Variants in RGPD2 observed in about 807,000 individuals in gnomAD.
RGPD2 encodes RANBP2 like and GRIP domain containing 2.
A neutral mutation model predicts 36.0 loss-of-function variants in RGPD2; 2 were observed. The observed-to-expected ratio is 0.06, with a 90% CI of 0.02 to 0.17. The LOEUF is 0.17. Ranked by LOEUF, RGPD2 falls within the 10% of genes least tolerant of loss-of-function variation. RGPD2 has a pLI of 1.00. For synonymous variants in RGPD2, 19 were observed against 163.8 expected (o/e 0.12, Z 6.75); for missense variants, 40 against 464.3 (o/e 0.09, Z 8.40).
At chr2:87,989,449 AC>A in the RGPD2 span, among the ~76,000 whole-genome samples, 1 of 152,220 alleles carries the variant, frequency 6.6e-6, no homozygotes, top group Non-Finnish European at 1.5e-5. Context: ...ACAAAAAATC[AC>A]ATCAATATAC....
the RGPD2 span, among the ~76,000 whole-genome samples, chr2:87,983,965 G>A: frequency 6.6e-6 from 1 of 152,144 alleles, no homozygotes; most frequent in African/African-American, 2.4e-5. Context: ...TACTCTGAGT[G>A]ACATGGGAAG....
chr2:87,847,489 T>G, the RGPD2 span, among the ~76,000 whole-genome samples: 2 of 149,394 alleles, frequency 1.3e-5, no homozygotes, highest in Admixed American at 1.3e-4. Context: ...TTTGACATAA[T>G]TGTTTTTTAA....
chr2:87,807,391 T>G (rs1211668761), intron 6 of RGPD2, among the ~76,000 whole-genome samples: 9 of 130,160 alleles, frequency 6.9e-5, no homozygotes, highest in South Asian at 2.4e-4. Flanking sequence ...TTTTTTTTTT[T>G]TTTTTTTTTT....
At chr2:87,959,302 C>G in the RGPD2 span, among the ~76,000 whole-genome samples, 38 of 23,676 alleles carry the variant, frequency 1.6e-3, no homozygotes, top group East Asian at 5.6e-3. Context: ...GTCTGTATCA[C>G]TATAATGCAA....
chr2:87,915,138 A>G, the RGPD2 span, among the ~76,000 whole-genome samples: 1 of 151,654 alleles, frequency 6.6e-6, no homozygotes, highest in Non-Finnish European at 1.5e-5. Context: ...CAAGAGCAAA[A>G]CTCCGTCTCA....
chr2:87,964,478 CTA>C, the RGPD2 span, among the ~76,000 whole-genome samples: 1 of 152,102 alleles, frequency 6.6e-6, no homozygotes, highest in Non-Finnish European at 1.5e-5. Context: ...TTCACAGATA[CTA>C]TGTTTTTGAC....
At chr2:87,915,727 CT>C in the RGPD2 span, among the ~76,000 whole-genome samples, 2 of 148,286 alleles carry the variant, frequency 1.3e-5, no homozygotes, top group Admixed American at 1.4e-4. Context: ...AATATAGTCA[CT>C]TGTTCTATCG....
the RGPD2 span, among the ~76,000 whole-genome samples, chr2:87,857,774 T>TAAAAAAAA: frequency 3.7e-4 from 46 of 123,400 alleles, no homozygotes; most frequent in African/African-American, 1.7e-3. Flanking sequence ...CCATCTCTAC[T>TAAAAAAAA]AAAAAAAAAA....
chr2:87,840,190 AC>A, the RGPD2 span, among the ~76,000 whole-genome samples: 5 of 130,776 alleles, frequency 3.8e-5, no homozygotes, highest in African/African-American at 1.5e-4. Flanking sequence ...GAAGAGGGAA[AC>A]TTCGACACCA....
intron 18 of RGPD2, among the ~76,000 whole-genome samples, chr2:87,785,746 CTGTT>C (rs1233138258): frequency 1.7e-4 from 19 of 111,004 alleles, no homozygotes; most frequent in African/African-American, 4.1e-4. Flanking sequence ...TCTGCTCCCT[CTGTT>C]TGGTCTGTTT....
chr2:87,929,131 A>G, the RGPD2 span, among the ~76,000 whole-genome samples: 3 of 151,908 alleles, frequency 2.0e-5, no homozygotes, highest in African/African-American at 7.2e-5. Flanking sequence ...GCCCATGCCT[A>G]TATCCTGAAT....
chr2:87,988,547 T>TGTTTTGTTTTG, the RGPD2 span, among the ~76,000 whole-genome samples: 6 of 33,080 alleles, frequency 1.8e-4, no homozygotes, highest in African/African-American at 3.0e-4. Context: ...ATATATTTTT[T>TGTTTTGTTTTG]TTTTTTCTTT....
the RGPD2 span, among the ~76,000 whole-genome samples, chr2:87,917,409 ACTCCTGGGCTCAAGC>A: frequency 4.5e-5 from 3 of 66,700 alleles, no homozygotes; most frequent in African/African-American, 1.9e-4. Flanking sequence ...GTAATCTTGA[ACTCCTGGGCTCAAGC>A]CATTCTCCTG....
the RGPD2 span, among the ~76,000 whole-genome samples, chr2:87,866,297 A>T: frequency 6.6e-6 from 1 of 151,360 alleles, no homozygotes; most frequent in Admixed American, 6.6e-5. Context: ...AATTGAATGG[A>T]CAAATCATTT....
At chr2:87,967,836 T>A in the RGPD2 span, among the ~76,000 whole-genome samples, 1 of 150,814 alleles carries the variant, frequency 6.6e-6, no homozygotes, top group Non-Finnish European at 1.5e-5. Context: ...GAAACAAATC[T>A]CAGAAAATAA....
the RGPD2 span, among the ~76,000 whole-genome samples, chr2:87,941,455 T>TA: frequency 6.7e-6 from 1 of 148,824 alleles, no homozygotes; most frequent in Admixed American, 6.8e-5. Flanking sequence ...ATGAATAGCT[T>TA]AAAAAAGATT....
chr2:87,828,018 CT>C (rs1167811300), upstream of RGPD2, among the ~76,000 whole-genome samples: 6 of 151,124 alleles, frequency 4.0e-5, no homozygotes. Context: ...CACAGCCCTG[CT>C]GAATTCTAGG....
the RGPD2 span, among the ~76,000 whole-genome samples, chr2:87,839,368 A>G: frequency 6.6e-6 from 1 of 151,934 alleles, no homozygotes; most frequent in Non-Finnish European, 1.5e-5. Context: ...AAAAAGTCAA[A>G]AAATAACAGA....
the RGPD2 span, among the ~76,000 whole-genome samples, chr2:87,852,707 A>G: frequency 2.0e-5 from 3 of 152,388 alleles, no homozygotes; most frequent in Middle Eastern, 3.4e-3. Context: ...ACTGCGCAGA[A>G]TGTTCTTCTA....
Sources: allele counts gnomAD v4.1 joint callset (sites outside exome capture counted in the v4.1 genomes callset), GRCh38; gene constraint gnomAD v4.1.1; transcripts MANE v1.5; gene names NCBI Gene and HGNC (gene_info 2026-07-23, HGNC 2026-07-21).